Variants in MIER2 observed in about 807,000 individuals in gnomAD.
The protein encoded by MIER2 is mesoderm induction early response protein 2.
MIER2 carries 30 observed loss-of-function variants against 67.6 expected under a neutral mutation model. That is an observed-to-expected ratio of 0.44 (90% CI 0.33 to 0.60). The LOEUF (loss-of-function observed/expected upper bound fraction) is 0.60, where lower values mean the gene tolerates loss of function less well. Among genes scored for constraint, MIER2 ranks in the 20% least tolerant of loss-of-function variants. MIER2 has a pLI of 0.02. For missense variants in MIER2, 702 were observed against 745.1 expected, an observed-to-expected ratio of 0.94 and a Z score of 0.67; for synonymous variants, 372 against 312.6, an observed-to-expected ratio of 1.19 and a Z score of -2.00.
intron 7 of MIER2, among the ~76,000 whole-genome samples, chr19:321,017 AAC>A (rs1971481473): frequency 6.6e-6 from 1 of 152,164 alleles, no homozygotes; most frequent in African/African-American, 2.4e-5. Flanking sequence ...GGATGTGAAA[AAC>A]GGCATTCAGT....
chr19:313,509 C>T lies in MIER2; in HGVS notation c.790G>A (p.Val264Met), dbSNP rs764545665. ...AGPQLPEGEA[V>M]KDSEQALYEL... ...GCCCCCACCTGCTCACTGTCTTTCA[C>T]GGCTTCTCCCTCTGGGAGCTGAGGC... is the stretch of plus-strand genomic sequence containing the variant. The change falls in exon 8 of 14, where the codon GTG becomes ATG. Residue 264 changes from valine (V) to methionine (M), a missense_variant. Transcript: ENST00000264819. 2.7e-5 allele frequency: 44 copies of T among 1,612,062 alleles called. No individual in the cohort carries two copies. Among genetic ancestry groups the T allele is most frequent in the Middle Eastern group, 1.6e-4 (1 of 6,078 alleles).
chr19:306,330 C>G lies in MIER2; in HGVS notation c.*360G>C, dbSNP rs373773408. On this transcript the variant is annotated 3_prime_UTR_variant, in exon 14 of 14. Transcript: ENST00000264819. ...CCGTCTCCCCGCCGGGGCAGTGACG[C>G]CTTCCCTCGCCTCTGCTGGCTGGAA... is the stretch of plus-strand genomic sequence containing the variant. 1.5e-4 allele frequency: 50 copies of G among 332,462 alleles called. No individual in the cohort carries two copies. In the South Asian group the frequency reaches 3.0e-3, roughly 20 times the overall value. The allele number at this position is 332,462 out of a possible 1,614,324, so 20.6% of individuals were successfully genotyped here.
intron 6 of MIER2, among the ~76,000 whole-genome samples, chr19:326,305 G>A (rs1971742838): frequency 6.6e-6 from 1 of 151,134 alleles, no homozygotes. Context: ...TGCCAGGTTG[G>A]GGACACGGCA....
chr19:317,273 A>G (rs566752665), intron 7 of MIER2, among the ~76,000 whole-genome samples: 3 of 152,078 alleles, frequency 2.0e-5, no homozygotes, highest in South Asian at 2.1e-4. Context: ...GGCACCTGTA[A>G]TCCCAGCACT....
Position 308,626 on chromosome 19 carries a change from G to A in MIER2, c.1149C>T (p.Gly383=), listed in dbSNP as rs749434120. ...DQDLDGSDPD[G]PGRPRPEQDT... ...CTTGCTCCGGGCGCGGACGGCCGGG[G>A]CCATCGGGGTCGCTGCCATCCAGGT... The change falls in exon 12 of 14, where the codon GGC becomes GGT. Residue 383 remains glycine, a synonymous_variant. Transcript: ENST00000264819. The surrounding 1 kb of genome is among the most constrained non-coding windows in gnomAD (Gnocchi z 9.1). 10 of 1,606,902 alleles carry A rather than the reference G, an allele frequency of 6.2e-6. No individual in the cohort carries two copies. Among genetic ancestry groups the A allele is most frequent in the Middle Eastern group, 1.8e-4 (1 of 5,630 alleles).
rs370515387 is a variant in MIER2, at chr19:323,062, G to A, written c.655+2573C>T. Among the ~76,000 whole-genome samples the A allele has an allele frequency of 2.7e-5, 4 of 145,776 alleles. 1 individual carries two copies. The highest frequency in any genetic ancestry group is 6.9e-5 in the Admixed American group (1 of 14,518). On this transcript the variant is annotated intron_variant, in intron 7 of 13. Coordinates refer to ENST00000264819, the MANE Select transcript of MIER2 (RefSeq NM_017550.3). ...CACACAGACAACTCAAATGACAGAC[G>A]TCATCACAATGCAATACACACGACA...
At chr19:313,224 G>A (rs1226381285) in intron 8 of MIER2, among the ~76,000 whole-genome samples, 1 of 151,952 alleles carries the variant, frequency 6.6e-6, no homozygotes, top group East Asian at 1.9e-4. Context: ...CGATGTCAGG[G>A]CCACCTACAC....
chr19:317,345 G>A (rs1481437879), intron 7 of MIER2, among the ~76,000 whole-genome samples: 1 of 151,950 alleles, frequency 6.6e-6, no homozygotes, highest in Non-Finnish European at 1.5e-5. Flanking sequence ...GGCTAACACG[G>A]TGAAACCTCG....
chr19:336,538 C>T (rs1009382030), intron 1 of MIER2, among the ~76,000 whole-genome samples: 1 of 152,160 alleles, frequency 6.6e-6, no homozygotes, highest in East Asian at 1.9e-4. Flanking sequence ...ACGGCCACAG[C>T]GTAGGGTCCA....
chr19:316,064 C>A (rs1246259824), intron 7 of MIER2, among the ~76,000 whole-genome samples: 1 of 152,150 alleles, frequency 6.6e-6, no homozygotes, highest in African/African-American at 2.4e-5. Context: ...AAAGAAAACA[C>A]CCTGCAAACC....
At chr19:321,340 T>G (rs1461882437) in intron 7 of MIER2, among the ~76,000 whole-genome samples, 1 of 152,068 alleles carries the variant, frequency 6.6e-6, no homozygotes, top group African/African-American at 2.4e-5. Flanking sequence ...ACCGTTAACT[T>G]AACGTTTGAA....
chr19:337,913 C>T (rs1025305360), intron 1 of MIER2, among the ~76,000 whole-genome samples: 2 of 142,916 alleles, frequency 1.4e-5, no homozygotes, highest in African/African-American at 5.2e-5. Context: ...GTGGCTCACG[C>T]CTGTAATCCC....
At chr19:316,913 G>A (rs1001029251) in intron 7 of MIER2, among the ~76,000 whole-genome samples, 6 of 149,918 alleles carry the variant, frequency 4.0e-5, no homozygotes, top group Non-Finnish European at 8.9e-5. Context: ...AGGTTGCAAT[G>A]AGCCGAGATC....
chr19:336,283 C>T (rs948223095), intron 1 of MIER2, 110 bp from the exon 2 acceptor site: 2 of 848,402 alleles, frequency 2.4e-6, no homozygotes, highest in Non-Finnish European at 3.7e-6. Context: ...CCCCAGTGAC[C>T]AGGGAAGGGG....
intron 7 of MIER2, among the ~76,000 whole-genome samples, chr19:324,781 G>A (rs2145457187): frequency 6.6e-6 from 1 of 152,358 alleles, no homozygotes; most frequent in Middle Eastern, 3.4e-3. Context: ...CCCTCATGGG[G>A]GGTGAGTCAG....
At chr19:328,543 T>C (rs1971872816) in intron 3 of MIER2, among the ~76,000 whole-genome samples, 1 of 151,604 alleles carries the variant, frequency 6.6e-6, no homozygotes, top group Non-Finnish European at 1.5e-5. Flanking sequence ...AGGCCAGGAG[T>C]TCGAGACCAG....
rs554947249 is a variant in MIER2 at position 336,165 on chromosome 19, C to A, written c.18G>T (p.Ser6=). Residue 6 remains serine, a synonymous_variant, in exon 2 of 14, where the codon TCG becomes TCT. Transcript: ENST00000264819. MAEAS[S]LGRQSPRVVS... Reference sequence around the variant, plus strand: ...CCACGCGAGGACTCTGCCTCCCCAGCGAGGAGGCCTGCGAAGGAAGAGAGG... The same window carrying A: ...CCACGCGAGGACTCTGCCTCCCCAGAGAGGAGGCCTGCGAAGGAAGAGAGG... 27 of 1,612,796 alleles carry A rather than the reference C, an allele frequency of 1.7e-5. No individual in the cohort carries two copies. The highest frequency in any genetic ancestry group is 2.0e-5 in the Non-Finnish European group (23 of 1,179,322).
intron 10 of MIER2, 62 bp downstream of exon 10, chr19:311,783 G>T: frequency 6.5e-7 from 1 of 1,534,852 alleles, no homozygotes; most frequent in East Asian, 2.3e-5. Flanking sequence ...GTGTGCCTGC[G>T]GACCCTGAGC....
At chr19:307,724 A>G (rs1970721594) in intron 12 of MIER2, among the ~76,000 whole-genome samples, 188 bp from the exon 13 acceptor site, 1 of 144,362 alleles carries the variant, frequency 6.9e-6, no homozygotes, top group Non-Finnish European at 1.5e-5. Context: ...CAGCTTTAGA[A>G]GTAGATTTTA....
Sources: gnomAD v4.1 joint callset for allele counts (sites outside exome capture counted in the v4.1 genomes callset) on GRCh38, gnomAD v4.1.1 for gene constraint, Gnocchi (gnomAD v3.1) non-coding constraint, MANE v1.5 for transcripts, NCBI Gene and HGNC (gene_info 2026-07-23, HGNC 2026-07-21) for gene names.